STXBP4: variants seen among roughly 807,000 people sequenced by gnomAD.
STXBP4 encodes the protein syntaxin binding protein 4, also known as syntaxin-binding protein 4.
In STXBP4, 55 loss-of-function variants were observed where a neutral mutation model predicts 76.1. The ratio of observed to expected loss-of-function variants is 0.72; its 90% CI spans 0.58 to 0.91. The LOEUF (loss-of-function observed/expected upper bound fraction) is 0.91, where lower values mean the gene tolerates loss of function less well. STXBP4 is among the 40% of genes least tolerant of loss of function. The pLI, the probability that STXBP4 is intolerant of heterozygous loss-of-function variation, is 0.00. For missense variants in STXBP4, 618 were observed against 636.9 expected (o/e 0.97, Z 0.32); for synonymous variants, 201 against 220.2 (o/e 0.91, Z 0.77).
At chr17:55,117,099 G>C (rs1327142671) in intron 16 of STXBP4, among the ~76,000 whole-genome samples, 2 of 151,666 alleles carry the variant, frequency 1.3e-5, no homozygotes, top group Admixed American at 6.6e-5. Flanking sequence ...TTGTGTGTAC[G>C]TGAATTTCTT....
chr17:55,208,112 A>C, the STXBP4 span, among the ~76,000 whole-genome samples: 2 of 151,288 alleles, frequency 1.3e-5, no homozygotes, highest in African/African-American at 2.4e-5. Context: ...CCACAGCTTC[A>C]TAATTACAGC....
chr17:54,982,425 T>A (rs1308055214), intron 1 of STXBP4, among the ~76,000 whole-genome samples: 4 of 152,126 alleles, frequency 2.6e-5, no homozygotes, highest in Non-Finnish European at 4.4e-5. Flanking sequence ...AACAACAAGA[T>A]TTTTTTTCTC....
Position 55,110,238 on chromosome 17 carries a change from A to G in STXBP4, c.1489+29055A>G, listed in dbSNP as rs185826057. ...GCCACTTTGAAGGACCCTTATGATT[A>G]TGTTGCACCAACATGGATAATCTAT... is the stretch of plus-strand genomic sequence containing the variant. On this transcript the variant is annotated intron_variant, in intron 16 of 17. Coordinates refer to ENST00000376352, the MANE Select transcript of STXBP4 (RefSeq NM_178509.6). Among the ~76,000 whole-genome samples the G allele has an allele frequency of 1.2e-4, 19 of 152,332 alleles. No homozygotes were observed. In the East Asian group the frequency reaches 3.3e-3, roughly 26 times the overall value.
At chr17:55,139,139 T>TAGTGA (rs1161726367) in intron 16 of STXBP4, among the ~76,000 whole-genome samples, 1 of 152,176 alleles carries the variant, frequency 6.6e-6, no homozygotes, top group African/African-American at 2.4e-5. Flanking sequence ...TTAGTACCTT[T>TAGTGA]ATAAGTCTGT....
intron 10 of STXBP4, among the ~76,000 whole-genome samples, chr17:55,035,553 A>T (rs1026238841): frequency 2.6e-5 from 4 of 151,870 alleles, no homozygotes; most frequent in Non-Finnish European, 5.9e-5. Context: ...AATTAAAATG[A>T]TTTGTTTTAT....
chr17:55,001,397 A>G (rs1453342223), intron 7 of STXBP4, among the ~76,000 whole-genome samples: 1 of 152,186 alleles, frequency 6.6e-6, no homozygotes, highest in Non-Finnish European at 1.5e-5. Flanking sequence ...CTGACTTTTT[A>G]AAACAATAAA....
Position 54,985,411 on chromosome 17 carries a change from TTTC to T in STXBP4, c.-156-199_-156-197del, listed in dbSNP as rs2077612565. On this transcript the variant is annotated intron_variant, in intron 1 of 17. Transcript: ENST00000376352. ...CACAGTCTCTGAATCTAGCTCCTCA[TTTC>T]TTCAGGAAGAGAGTTGTACTAAATG... Among the ~76,000 whole-genome samples the T allele has an allele frequency of 2.6e-5, 4 of 152,240 alleles. No individual in the cohort carries two copies. In the South Asian group the frequency reaches 8.3e-4, roughly 32 times the overall value.
At chr17:55,082,076 G>A (rs576548580) in intron 16 of STXBP4, among the ~76,000 whole-genome samples, 108 of 152,146 alleles carry the variant, frequency 7.1e-4, no homozygotes, top group African/African-American at 2.6e-3. Flanking sequence ...TCAACAATGT[G>A]CTAATGTACT....
At chr17:55,089,494 CTT>C (rs1334921114) in intron 16 of STXBP4, among the ~76,000 whole-genome samples, 1 of 152,152 alleles carries the variant, frequency 6.6e-6, no homozygotes, top group South Asian at 2.1e-4. Context: ...TGTGAGGAAA[CTT>C]TTGTCTGTTC....
intron 12 of STXBP4, among the ~76,000 whole-genome samples, chr17:55,064,306 A>G (rs889195125): frequency 3.9e-5 from 6 of 151,996 alleles, no homozygotes; most frequent in African/African-American, 1.2e-4. Flanking sequence ...GTATTCTGCT[A>G]CCCCTGCCAC....
the STXBP4 span, among the ~76,000 whole-genome samples, chr17:55,202,435 G>A: frequency 1.3e-5 from 2 of 151,804 alleles, no homozygotes; most frequent in South Asian, 2.1e-4. Context: ...AAAATTAAAT[G>A]ACATTTAATT....
At chr17:54,976,468 A>G (rs1050332062) in intron 1 of STXBP4, among the ~76,000 whole-genome samples, 18 of 152,350 alleles carry the variant, frequency 1.2e-4, no homozygotes, top group African/African-American at 4.3e-4. Flanking sequence ...CCTCCCAGAT[A>G]CTATCAAGAA....
At chr17:55,044,522 G>A (rs1325674254) in intron 11 of STXBP4, 1 of 151,880 alleles carries the variant, frequency 6.6e-6, no homozygotes, top group African/African-American at 2.4e-5. Flanking sequence ...AAATAGGCAG[G>A]GCATGATGGC....
intron 8 of STXBP4, among the ~76,000 whole-genome samples, chr17:55,020,003 T>C (rs1377789473): frequency 6.6e-6 from 1 of 152,232 alleles, no homozygotes; most frequent in African/African-American, 2.4e-5. Context: ...ATTTCTCTTA[T>C]GTTAGCCTAT....
At chr17:55,153,732 C>T (rs2080241874) in intron 17 of STXBP4, among the ~76,000 whole-genome samples, 1 of 152,126 alleles carries the variant, frequency 6.6e-6, no homozygotes, top group Non-Finnish European at 1.5e-5. Flanking sequence ...GTAGCTTCTA[C>T]ATTTTATGCA....
chr17:55,031,621 CTAATA>C (rs1028726264), intron 9 of STXBP4, among the ~76,000 whole-genome samples: 2 of 152,056 alleles, frequency 1.3e-5, no homozygotes, highest in South Asian at 2.1e-4. Context: ...CCTTTTTCAG[CTAATA>C]TAATATAGTA....
intron 7 of STXBP4, among the ~76,000 whole-genome samples, chr17:55,005,021 A>G (rs773401335): frequency 6.0e-4 from 91 of 152,326 alleles, no homozygotes; most frequent in Non-Finnish European, 1.1e-3. Context: ...TTTTAACTCA[A>G]AAGTAAAGGT....
chr17:55,063,658 C>A (rs968952405), intron 12 of STXBP4, among the ~76,000 whole-genome samples: 6 of 152,064 alleles, frequency 3.9e-5, no homozygotes, highest in African/African-American at 1.4e-4. Flanking sequence ...AGCTCTCAAT[C>A]TAGTAAGCAA....
Position 55,032,281 on chromosome 17 carries a change from A to G in STXBP4, c.763+1017A>G, listed in dbSNP as rs534896120. Among the ~76,000 whole-genome samples, 9 of 152,124 alleles carry G rather than the reference A, an allele frequency of 5.9e-5. No homozygotes were observed. In the South Asian group the frequency reaches 1.5e-3, roughly 25 times the overall value. On this transcript the variant is annotated intron_variant, in intron 9 of 17. Transcript: ENST00000376352. ...TGACCTTTTGGTTTTTAAGTGATGA[A>G]AAAAAGATATTTTTCATCCCATCTC...
Sources: allele counts gnomAD v4.1 joint callset (sites outside exome capture counted in the v4.1 genomes callset), GRCh38; gene constraint gnomAD v4.1.1; transcripts MANE v1.5; gene names NCBI Gene and HGNC (gene_info 2026-07-23, HGNC 2026-07-21).